The following SOX6 variants were observed in gnomAD, a reference collection of about 807,000 sequenced individuals.
SOX6 encodes transcription factor SOX-6.
Under a neutral mutation model 97.8 loss-of-function variants are expected in SOX6, and 11 were observed. That is an observed-to-expected ratio of 0.11 (90% confidence interval 0.07 to 0.19). The LOEUF (loss-of-function observed/expected upper bound fraction) is 0.19. Among genes scored for constraint, SOX6 ranks in the 10% least tolerant of loss-of-function variants. The pLI, the probability that SOX6 is intolerant of heterozygous loss-of-function variation, is 1.00. For synonymous variants in SOX6, 360 were observed against 371.4 expected (o/e 0.97, Z 0.35); for missense variants, 810 against 1,039.5 (o/e 0.78, Z 3.04).
chr11:16,149,150 C>A (rs573299249), intron 6 of SOX6, among the ~76,000 whole-genome samples: 1 of 152,266 alleles, frequency 6.6e-6, no homozygotes, highest in Non-Finnish European at 1.5e-5. Flanking sequence ...AACTCCAAAT[C>A]ATTTCAGCCC....
chr11:16,287,330 GCTC>G (rs1390483910), intron 3 of SOX6, among the ~76,000 whole-genome samples: 57 of 107,628 alleles, frequency 5.3e-4, no homozygotes, highest in African/African-American at 2.0e-3. Flanking sequence ...ACACACACAC[GCTC>G]CTCCTATACT....
chr11:16,488,448 A>G (rs991617676), intron 4 of SOX6, among the ~76,000 whole-genome samples: 2 of 152,180 alleles, frequency 1.3e-5, no homozygotes, highest in Non-Finnish European at 2.9e-5. Context: ...AATGCTTCCT[A>G]GATGGGGTAT....
chr11:16,036,866 T>C (rs899755682), intron 12 of SOX6, among the ~76,000 whole-genome samples: 6 of 152,162 alleles, frequency 3.9e-5, no homozygotes, highest in African/African-American at 1.2e-4. Flanking sequence ...CTTAGACAGA[T>C]TCTTTGTTAG....
chr11:16,531,734 A>C (rs2133170024), intron 4 of SOX6, among the ~76,000 whole-genome samples: 1 of 152,074 alleles, frequency 6.6e-6, no homozygotes, highest in Middle Eastern at 3.4e-3. Flanking sequence ...TGTGTAGTCT[A>C]TATTAATGTG....
chr11:16,169,560 T>C (rs1850976181), intron 6 of SOX6, among the ~76,000 whole-genome samples: 1 of 97,262 alleles, frequency 1.0e-5, no homozygotes, highest in African/African-American at 5.5e-5. Flanking sequence ...CTCTTACATA[T>C]ACCCCTTTAA....
At chr11:16,060,756 G>A (rs1847928002) in intron 9 of SOX6, among the ~76,000 whole-genome samples, 1 of 151,794 alleles carries the variant, frequency 6.6e-6, no homozygotes, top group South Asian at 2.1e-4. Context: ...AAAGCACATA[G>A]CTCTAAAGGA....
chr11:16,506,763 G>A (rs1164239185), intron 4 of SOX6, among the ~76,000 whole-genome samples: 1 of 152,124 alleles, frequency 6.6e-6, no homozygotes, highest in Non-Finnish European at 1.5e-5. Flanking sequence ...AGATCTGCTT[G>A]TTTAAAAGTG....
intron 3 of SOX6, among the ~76,000 whole-genome samples, chr11:16,656,871 T>A (rs1015812032): frequency 2.0e-5 from 3 of 152,226 alleles, no homozygotes; most frequent in African/African-American, 7.2e-5. Flanking sequence ...AGTTCTCATA[T>A]ATCTCACTAT....
intron 4 of SOX6, among the ~76,000 whole-genome samples, chr11:16,202,284 C>T (rs1914875): frequency 0.59 from 89,031 of 151,930 alleles, 27,050 homozygotes; most frequent in East Asian, 0.75. Flanking sequence ...TATTAATATA[C>T]ACATAGTGAA....
At chr11:15,988,824 G>C (rs924653683) in intron 14 of SOX6, among the ~76,000 whole-genome samples, 173 bp downstream of exon 14, 3 of 152,222 alleles carry the variant, frequency 2.0e-5, no homozygotes, top group African/African-American at 4.8e-5. Context: ...ATTATGGGGT[G>C]GGGGAGGCAG....
At chr11:16,154,463 T>C (rs1217633789) in intron 6 of SOX6, among the ~76,000 whole-genome samples, 1 of 152,136 alleles carries the variant, frequency 6.6e-6, no homozygotes, top group Admixed American at 6.6e-5. Flanking sequence ...TTAAATTGTA[T>C]GGAACCTACA....
chr11:16,422,811 A>G (rs1181580103), intron 1 of SOX6, among the ~76,000 whole-genome samples: 1 of 151,858 alleles, frequency 6.6e-6, no homozygotes, highest in Non-Finnish European at 1.5e-5. Context: ...TACTCAAAAA[A>G]CCTTTATTTT....
intron 3 of SOX6, among the ~76,000 whole-genome samples, chr11:16,240,275 A>T (rs915710379): frequency 1.5e-5 from 2 of 129,056 alleles, no homozygotes; most frequent in African/African-American, 6.0e-5. Flanking sequence ...TAGATAATAT[A>T]GTGTGTGTGT....
At chr11:16,483,912 C>A (rs1309381341) in intron 4 of SOX6, among the ~76,000 whole-genome samples, 1 of 152,182 alleles carries the variant, frequency 6.6e-6, no homozygotes, top group African/African-American at 2.4e-5. Context: ...GGATCACCAC[C>A]AAGTTCCTCT....
chr11:16,510,602 T>C (rs1860866466), intron 4 of SOX6, among the ~76,000 whole-genome samples: 1 of 152,154 alleles, frequency 6.6e-6, no homozygotes, highest in African/African-American at 2.4e-5. Flanking sequence ...TATTTCATTG[T>C]ATAGTATATC....
intron 2 of SOX6, among the ~76,000 whole-genome samples, chr11:16,724,453 C>T (rs542547325): frequency 2.7e-5 from 4 of 150,386 alleles, no homozygotes; most frequent in Middle Eastern, 3.4e-3. Flanking sequence ...GTTCTAAAAA[C>T]GTGGTCTTCA....
chr11:16,699,620 C>T (rs1485768478), intron 3 of SOX6, among the ~76,000 whole-genome samples: 1 of 151,806 alleles, frequency 6.6e-6, no homozygotes, highest in Non-Finnish European at 1.5e-5. Flanking sequence ...TTAATGAATG[C>T]CCATTATGTA....
chr11:16,475,362 G>C (rs1288911025), intron 1 of SOX6, among the ~76,000 whole-genome samples: 3 of 152,156 alleles, frequency 2.0e-5, no homozygotes. Context: ...TCACAAAGTT[G>C]TCATTCGTAG....
At chr11:16,334,169 G>C (rs955382944) in intron 2 of SOX6, among the ~76,000 whole-genome samples, 3 of 151,726 alleles carry the variant, frequency 2.0e-5, no homozygotes, top group African/African-American at 4.8e-5. Flanking sequence ...CCTCCTTAAA[G>C]ACATTCTGAA....
Sources: allele counts gnomAD v4.1 joint callset (sites outside exome capture counted in the v4.1 genomes callset), GRCh38; gene constraint gnomAD v4.1.1; transcripts MANE v1.5; gene names NCBI Gene and HGNC (gene_info 2026-07-23, HGNC 2026-07-21).